GPC5: variants seen among roughly 807,000 people sequenced by gnomAD.
The protein encoded by GPC5 is glypican-5.
A neutral mutation model predicts 53.9 loss-of-function variants in GPC5; 47 were observed. The ratio of observed to expected loss-of-function variants is 0.87; its 90% confidence interval spans 0.69 to 1.11. The LOEUF is 1.11. Ranked by LOEUF, GPC5 falls within the 50% of genes most tolerant of loss-of-function variation. The pLI is 0.00. For synonymous variants in GPC5, 286 were observed against 263.3 expected (o/e 1.09, Z -0.84); for missense variants, 748 against 713.1 (o/e 1.05, Z -0.56).
chr13:92,127,034 T>C (rs1350240259), intron 6 of GPC5, among the ~76,000 whole-genome samples: 1 of 152,136 alleles, frequency 6.6e-6, no homozygotes, highest in African/African-American at 2.4e-5. Flanking sequence ...ATATTTTTTT[T>C]TCCTAATGGT....
intron 6 of GPC5, among the ~76,000 whole-genome samples, chr13:92,100,103 A>G (rs1048805093): frequency 6.6e-6 from 1 of 152,144 alleles, no homozygotes; most frequent in Non-Finnish European, 1.5e-5. Context: ...AATAAAAACT[A>G]CATTAAAAAA....
rs1377354735 is a variant in GPC5 at position 92,866,502 on chromosome 13, C to G, written c.*63C>G. On this transcript the variant is annotated 3_prime_UTR_variant, in exon 8 of 8. Coordinates refer to ENST00000377067, the MANE Select transcript of GPC5 (RefSeq NM_004466.6). Reference sequence around the variant, plus strand: ...CGATTTCTTCTCTCTCTGCATATGCCTGGAATAAGAGATCCTTTTTCAATG... The same window carrying G: ...CGATTTCTTCTCTCTCTGCATATGCGTGGAATAAGAGATCCTTTTTCAATG... 5 of 1,264,776 alleles carry G rather than the reference C, an allele frequency of 4.0e-6. No individual in the cohort carries two copies. The East Asian group carries it at 1.3e-4, about 33-fold the overall frequency. The allele number at this position is 1,264,776 out of a possible 1,614,324, so 78.3% of individuals were successfully genotyped here. A position where few individuals can be genotyped will look rare whatever the true frequency, so the allele number is the denominator to read the frequency against.
chr13:92,183,345 T>G (rs2042161224), intron 7 of GPC5, among the ~76,000 whole-genome samples: 1 of 151,872 alleles, frequency 6.6e-6, no homozygotes, highest in Admixed American at 6.6e-5. Flanking sequence ...TTGGGATAGG[T>G]GGGTGAGGTC....
chr13:91,676,588 A>G (rs569266784), intron 2 of GPC5, among the ~76,000 whole-genome samples: 1 of 152,240 alleles, frequency 6.6e-6, no homozygotes, highest in South Asian at 2.1e-4. Flanking sequence ...GTGAAATTTT[A>G]TCAAGTACCT....
At chr13:92,002,028 G>C (rs2040559898) in intron 6 of GPC5, among the ~76,000 whole-genome samples, 1 of 152,174 alleles carries the variant, frequency 6.6e-6, no homozygotes, top group African/African-American at 2.4e-5. Flanking sequence ...TACATCTGCT[G>C]TCCTCCACAC....
At chr13:92,334,115 G>T (rs933628216) in intron 7 of GPC5, among the ~76,000 whole-genome samples, 8 of 152,122 alleles carry the variant, frequency 5.3e-5, no homozygotes, top group Non-Finnish European at 8.8e-5. Flanking sequence ...TTCTGTATTA[G>T]TTCATTTTCA....
At chr13:91,535,622 G>A (rs1227583403) in intron 2 of GPC5, among the ~76,000 whole-genome samples, 1 of 152,082 alleles carries the variant, frequency 6.6e-6, no homozygotes, top group African/African-American at 2.4e-5. Context: ...TATGGACACA[G>A]GCTCTCTTCT....
At chr13:91,721,073 C>CT (rs2036455248) in intron 3 of GPC5, among the ~76,000 whole-genome samples, 1 of 2,770 alleles carries the variant, frequency 3.6e-4, no homozygotes, top group African/African-American at 1.1e-3. Flanking sequence ...CCCTTTCTTT[C>CT]TTTCTTTCTT....
chr13:92,850,168 G>T (rs564849820), intron 7 of GPC5, among the ~76,000 whole-genome samples: 10 of 152,150 alleles, frequency 6.6e-5, no homozygotes, highest in African/African-American at 2.4e-4. Flanking sequence ...TGGAAGAAGA[G>T]ATAGCAATAA....
intron 2 of GPC5, among the ~76,000 whole-genome samples, chr13:91,585,999 A>G (rs549312718): frequency 5.6e-4 from 78 of 138,804 alleles, no homozygotes; most frequent in African/African-American, 2.0e-3. Flanking sequence ...TTGGTGTACA[A>G]CCCCCCACCC....
chr13:92,173,867 A>G (rs58265308), intron 7 of GPC5, among the ~76,000 whole-genome samples: 3,830 of 152,252 alleles, frequency 0.025, 152 homozygotes, highest in African/African-American at 0.087. Context: ...CACTTTGGGA[A>G]GCCGAGGAAG....
chr13:92,002,204 A>G (rs905061318), intron 6 of GPC5, among the ~76,000 whole-genome samples: 1 of 152,066 alleles, frequency 6.6e-6, no homozygotes, highest in Non-Finnish European at 1.5e-5. Context: ...CTAAGGACAC[A>G]GGCAAGGAAA....
chr13:92,358,137 T>A (rs2043537633), intron 7 of GPC5, among the ~76,000 whole-genome samples: 1 of 151,776 alleles, frequency 6.6e-6, no homozygotes, highest in Admixed American at 6.5e-5. Context: ...AAATACTCCC[T>A]TTCCAAAAGG....
At chr13:91,542,397 GT>G (rs375516254) in intron 2 of GPC5, among the ~76,000 whole-genome samples, 70 of 152,328 alleles carry the variant, frequency 4.6e-4, no homozygotes, top group African/African-American at 1.6e-3. Flanking sequence ...CATAAAGTCT[GT>G]TCTGTCACAA....
chr13:91,542,012 C>A (rs920773161), intron 2 of GPC5, among the ~76,000 whole-genome samples: 4 of 49,094 alleles, frequency 8.1e-5, no homozygotes, highest in Non-Finnish European at 2.2e-4. Flanking sequence ...CCCATTTGAG[C>A]TCTTAATATT....
chr13:92,648,726 A>C (rs1187794010), intron 7 of GPC5, among the ~76,000 whole-genome samples: 1 of 152,166 alleles, frequency 6.6e-6, no homozygotes, highest in Non-Finnish European at 1.5e-5. Context: ...TAATTATTCT[A>C]TACATAGATT....
At chr13:92,448,754 A>G (rs1790343105) in intron 7 of GPC5, 1 of 151,514 alleles carries the variant, frequency 6.6e-6, no homozygotes, top group South Asian at 2.1e-4. Context: ...TGCTCATTCA[A>G]AATACCTTAG....
At chr13:91,580,175 A>C (rs2032305408) in intron 2 of GPC5, among the ~76,000 whole-genome samples, 1 of 152,012 alleles carries the variant, frequency 6.6e-6, no homozygotes, top group African/African-American at 2.4e-5. Context: ...CTTAGCCTCC[A>C]GAGTATCTGG....
chr13:92,603,931 C>G (rs991372526), intron 7 of GPC5, among the ~76,000 whole-genome samples: 1 of 152,158 alleles, frequency 6.6e-6, no homozygotes, highest in Non-Finnish European at 1.5e-5. Flanking sequence ...GTAAGCATCA[C>G]TTTCAACTCC....
Sources: allele counts gnomAD v4.1 joint callset (sites outside exome capture counted in the v4.1 genomes callset), GRCh38; gene constraint gnomAD v4.1.1; transcripts MANE v1.5; gene names NCBI Gene and HGNC (gene_info 2026-07-23, HGNC 2026-07-21).